Variants in SLC25A21 observed in about 807,000 individuals in gnomAD.
SLC25A21 encodes solute carrier family 25 member 21.
A neutral mutation model predicts 43.8 loss-of-function variants in SLC25A21; 47 were observed. That is an observed-to-expected ratio of 1.07 (90% CI 0.85 to 1.37). The LOEUF is 1.37. SLC25A21 is among the 40% of genes most tolerant of loss of function. The pLI, the probability that SLC25A21 is intolerant of heterozygous loss-of-function variation, is 0.00. For missense variants in SLC25A21, 352 were observed against 350.2 expected, an observed-to-expected ratio of 1.00 and a Z score of -0.04; for synonymous variants, 131 against 121.3, an observed-to-expected ratio of 1.08 and a Z score of -0.52.
At chr14:36,702,025 C>T (rs1371049799) in intron 7 of SLC25A21, among the ~76,000 whole-genome samples, 1 of 152,188 alleles carries the variant, frequency 6.6e-6, no homozygotes, top group African/African-American at 2.4e-5. Context: ...ATGAAACTTT[C>T]CCATGTCCAT....
chr14:36,913,911 ATAGAC>A (rs1346659477), intron 1 of SLC25A21, among the ~76,000 whole-genome samples: 1 of 152,240 alleles, frequency 6.6e-6, no homozygotes, highest in African/African-American at 2.4e-5. Flanking sequence ...GTAAGTATGA[ATAGAC>A]TAAGAAATAT....
chr14:36,945,574 G>T (rs1008294369), intron 1 of SLC25A21, among the ~76,000 whole-genome samples: 2 of 152,172 alleles, frequency 1.3e-5, no homozygotes, highest in African/African-American at 4.8e-5. Context: ...ATGAATAAAC[G>T]TTGAGGACAT....
intron 9 of SLC25A21, among the ~76,000 whole-genome samples, chr14:36,682,718 G>A (rs1331200064): frequency 7.0e-6 from 1 of 143,350 alleles, no homozygotes; most frequent in Non-Finnish European, 1.5e-5. Context: ...TACTGCGTTA[G>A]CTTTTACACA....
chr14:36,839,129 A>G (rs1189383709), intron 2 of SLC25A21, among the ~76,000 whole-genome samples: 1 of 152,240 alleles, frequency 6.6e-6, no homozygotes, highest in African/African-American at 2.4e-5. Context: ...CATTTTCCAT[A>G]TGAAGGTTAT....
chr14:36,893,316 T>C (rs902289774), intron 1 of SLC25A21, among the ~76,000 whole-genome samples: 2 of 152,262 alleles, frequency 1.3e-5, no homozygotes, highest in African/African-American at 4.8e-5. Context: ...TGAGCATTTT[T>C]TCATGTGTCT....
In SLC25A21 at chr14:37,118,129, C is replaced by T. The variant is rs549677188; in HGVS notation, c.70+54152G>A. On this transcript the variant is annotated intron_variant, in intron 1 of 9. Transcript: ENST00000331299. ...ACTAACGTACAGATGTAATGGATTACCAGCCATTATTCCAGAGGTCACAAT... is the reference window on the plus strand; with the variant it reads ...ACTAACGTACAGATGTAATGGATTATCAGCCATTATTCCAGAGGTCACAAT... Among the ~76,000 whole-genome samples, 83 of 152,238 alleles carry T rather than the reference C, an allele frequency of 5.5e-4. 1 individual carries two copies. Among genetic ancestry groups the T allele is most frequent in the African/African-American group, 2.0e-3 (83 of 41,536 alleles).
At chr14:36,805,371 C>G (rs954874994) in intron 3 of SLC25A21, among the ~76,000 whole-genome samples, 1 of 152,112 alleles carries the variant, frequency 6.6e-6, no homozygotes, top group Non-Finnish European at 1.5e-5. Flanking sequence ...GTGCTGAAAC[C>G]ATTTTAAAGG....
At chr14:36,875,884 T>C (rs1594659606) in intron 1 of SLC25A21, among the ~76,000 whole-genome samples, 1 of 152,196 alleles carries the variant, frequency 6.6e-6, no homozygotes, top group South Asian at 2.1e-4. Context: ...TAGTATTAGG[T>C]ACTAGTAGTT....
chr14:36,988,984 T>A (rs964372392), intron 1 of SLC25A21, among the ~76,000 whole-genome samples: 2 of 152,220 alleles, frequency 1.3e-5, no homozygotes, highest in Admixed American at 1.3e-4. Flanking sequence ...AAGACAAATC[T>A]CTTAGAAAGC....
chr14:36,843,888 T>C (rs1041172372), intron 2 of SLC25A21, among the ~76,000 whole-genome samples: 3 of 152,234 alleles, frequency 2.0e-5, no homozygotes, highest in Non-Finnish European at 4.4e-5. Flanking sequence ...ATCTCTCTAG[T>C]ATCTCTTCAT....
At chr14:37,157,599 A>G (rs1963873457) in intron 1 of SLC25A21, among the ~76,000 whole-genome samples, 1 of 152,302 alleles carries the variant, frequency 6.6e-6, no homozygotes, top group South Asian at 2.1e-4. Flanking sequence ...CAATGCTAAG[A>G]GGGAAGCTTA....
At chr14:36,964,627 A>G (rs1347217994) in intron 1 of SLC25A21, among the ~76,000 whole-genome samples, 1 of 152,258 alleles carries the variant, frequency 6.6e-6, no homozygotes, top group Non-Finnish European at 1.5e-5. Flanking sequence ...ATAAAAGGAC[A>G]AAGTAATATT....
intron 1 of SLC25A21, among the ~76,000 whole-genome samples, chr14:36,878,006 C>T (rs1448422807): frequency 6.6e-6 from 1 of 152,102 alleles, no homozygotes; most frequent in Non-Finnish European, 1.5e-5. Context: ...TTGACCTCTG[C>T]TAATGTGCTC....
At chr14:36,847,421 T>C (rs974420604) in intron 2 of SLC25A21, among the ~76,000 whole-genome samples, 3 of 152,230 alleles carry the variant, frequency 2.0e-5, no homozygotes, top group African/African-American at 7.2e-5. Context: ...AACTGTCTAC[T>C]GAGGAGGCTA....
At chr14:37,129,706 G>C (rs1333444469) in intron 1 of SLC25A21, among the ~76,000 whole-genome samples, 1 of 150,870 alleles carries the variant, frequency 6.6e-6, no homozygotes, top group Non-Finnish European at 1.5e-5. Context: ...CCAGGAGGCA[G>C]ACAATCAATA....
chr14:36,840,481 A>G (rs752002305), intron 2 of SLC25A21, among the ~76,000 whole-genome samples: 5 of 152,212 alleles, frequency 3.3e-5, no homozygotes, highest in Admixed American at 6.5e-5. Context: ...TAAAACAAAA[A>G]CAAAAACGTT....
In SLC25A21 at chr14:36,999,908, A is replaced by G. The variant is rs573174943; in HGVS notation, c.71-124904T>C. ...ACCCTTGAATGAAAACTTCGCAAGGAAAGAGATTTGTGTCATCCCCAACAA... is the reference window on the plus strand; with the variant it reads ...ACCCTTGAATGAAAACTTCGCAAGGGAAGAGATTTGTGTCATCCCCAACAA... On this transcript the variant is annotated intron_variant, in intron 1 of 9. Coordinates refer to ENST00000331299, the MANE Select transcript of SLC25A21 (RefSeq NM_030631.4). 1.1e-4 allele frequency among the ~76,000 whole-genome samples: 17 copies of G among 152,280 alleles called. No homozygotes were observed. The East Asian group carries it at 2.9e-3, about 26-fold the overall frequency.
chr14:36,790,842 A>G (rs1165460856), intron 3 of SLC25A21, among the ~76,000 whole-genome samples: 1 of 152,156 alleles, frequency 6.6e-6, no homozygotes, highest in Non-Finnish European at 1.5e-5. Flanking sequence ...CATATATCAC[A>G]GCACTGTTGT....
chr14:37,052,710 C>A (rs1177555634), intron 1 of SLC25A21, among the ~76,000 whole-genome samples: 1 of 151,964 alleles, frequency 6.6e-6, no homozygotes, highest in Non-Finnish European at 1.5e-5. Context: ...GCAATCTGAG[C>A]TCACTGCAAC....
Sources: allele counts gnomAD v4.1 joint callset (sites outside exome capture counted in the v4.1 genomes callset), GRCh38; gene constraint gnomAD v4.1.1; transcripts MANE v1.5; gene names NCBI Gene and HGNC (gene_info 2026-07-23, HGNC 2026-07-21).